The following GPC6 variants were observed in gnomAD, a reference collection of about 807,000 sequenced individuals.
The protein encoded by GPC6 is glypican-6.
GPC6 carries 14 observed loss-of-function variants against 55.2 expected under a neutral mutation model. That is an observed-to-expected ratio of 0.25 (90% CI 0.17 to 0.40). The LOEUF is 0.40. GPC6 is among the 10% of genes least tolerant of loss of function. The pLI is 1.00. For synonymous variants in GPC6, 278 were observed against 259.6 expected, an observed-to-expected ratio of 1.07 and a Z score of -0.68; for missense variants, 641 against 708.5, an observed-to-expected ratio of 0.90 and a Z score of 1.08.
intron 1 of GPC6, among the ~76,000 whole-genome samples, chr13:93,487,737 T>C (rs1879782454): frequency 6.6e-6 from 1 of 152,186 alleles, no homozygotes. Flanking sequence ...TTCTTCATTT[T>C]GTAGAAGCAG....
chr13:93,813,483 A>G (rs1378279823), intron 2 of GPC6, among the ~76,000 whole-genome samples: 1 of 152,168 alleles, frequency 6.6e-6, no homozygotes, highest in Admixed American at 6.6e-5. Flanking sequence ...TCCAGCTGCG[A>G]TATTGAAATG....
intron 1 of GPC6, among the ~76,000 whole-genome samples, chr13:93,448,772 TAATA>T (rs1878105232): frequency 6.6e-6 from 1 of 152,196 alleles, no homozygotes; most frequent in South Asian, 2.1e-4. Flanking sequence ...TCCCATCCAG[TAATA>T]AATGTCTTGT....
intron 5 of GPC6, among the ~76,000 whole-genome samples, chr13:94,287,608 A>C (rs4142341): frequency 6.6e-6 from 1 of 151,842 alleles, no homozygotes; most frequent in African/African-American, 2.4e-5. Flanking sequence ...GAGTTTCATA[A>C]GCCTTTTTGG....
chr13:93,744,062 G>A (rs1271248610), intron 2 of GPC6, among the ~76,000 whole-genome samples: 3 of 152,136 alleles, frequency 2.0e-5, no homozygotes, highest in South Asian at 2.1e-4. Context: ...TTTATTCCCT[G>A]CTGGAGGAGG....
At chr13:94,099,820 T>G (rs1204025676) in intron 4 of GPC6, among the ~76,000 whole-genome samples, 3 of 152,212 alleles carry the variant, frequency 2.0e-5, no homozygotes, top group Non-Finnish European at 2.9e-5. Flanking sequence ...TATATTATGT[T>G]TAATGTTGGC....
intron 2 of GPC6, among the ~76,000 whole-genome samples, chr13:93,587,526 T>C (rs1446601858): frequency 1.3e-5 from 2 of 152,158 alleles, no homozygotes; most frequent in African/African-American, 2.4e-5. Flanking sequence ...ATGGTTCATG[T>C]TGTTGCTTGC....
intron 3 of GPC6, among the ~76,000 whole-genome samples, chr13:93,874,727 G>A (rs567700287): frequency 4.9e-4 from 74 of 151,528 alleles, no homozygotes; most frequent in African/African-American, 1.7e-3. Context: ...ACAAGCTCTT[G>A]TCCTTGTTGT....
chr13:93,569,090 G>T (rs568322209), intron 2 of GPC6, among the ~76,000 whole-genome samples: 1 of 152,094 alleles, frequency 6.6e-6, no homozygotes, highest in Admixed American at 6.5e-5. Flanking sequence ...AGATCTTAAG[G>T]CTAGTTTTGT....
chr13:94,228,404 TGAA>T lies in GPC6; in HGVS notation c.878-57936_878-57934del, dbSNP rs200302365. Among the ~76,000 whole-genome samples the T allele has an allele frequency of 2.6e-5, 4 of 152,180 alleles. No homozygotes were observed. The East Asian group carries it at 5.8e-4, about 22-fold the overall frequency. On this transcript the variant is annotated intron_variant, in intron 4 of 8. Coordinates refer to ENST00000377047, the MANE Select transcript of GPC6 (RefSeq NM_005708.5). ...TATGTCAAGAAAAATTGAAACTTTA[TGAA>T]GAAGAAGATGTTTTTTCATAGTGGG...
intron 6 of GPC6, among the ~76,000 whole-genome samples, chr13:94,363,566 C>T (rs1397543697): frequency 6.6e-6 from 1 of 152,136 alleles, no homozygotes; most frequent in African/African-American, 2.4e-5. Context: ...GCTAATAGCC[C>T]ACCTTTAGTT....
chr13:93,553,971 C>G (rs1187845070), intron 2 of GPC6, among the ~76,000 whole-genome samples: 1 of 22,192 alleles, frequency 4.5e-5, no homozygotes, highest in African/African-American at 4.5e-4. Flanking sequence ...TCCGTCTCTA[C>G]TAAAAAAAAA....
chr13:93,555,428 G>T lies in GPC6; in HGVS notation c.319+10007G>T, dbSNP rs1334960289. On this transcript the variant is annotated intron_variant, in intron 2 of 8. Coordinates refer to ENST00000377047, the MANE Select transcript of GPC6 (RefSeq NM_005708.5). ...TTGTGTGACAATGGTAGCAACCTGT[G>T]CAGTCTCAAGGGCACAGACCAGTTA... Among the ~76,000 whole-genome samples the T allele has an allele frequency of 2.0e-5, 3 of 152,088 alleles. No individual in the cohort carries two copies. The East Asian group carries it at 5.8e-4, about 29-fold the overall frequency.
In GPC6 at chr13:93,409,565, G is replaced by T. The variant is rs1207154527; in HGVS notation, c.161-135698G>T. Among the ~76,000 whole-genome samples, 3 of 152,150 alleles carry T rather than the reference G, an allele frequency of 2.0e-5. No homozygotes were observed. The South Asian group carries it at 6.2e-4, about 32-fold the overall frequency. Reference sequence around the variant, plus strand: ...CTTTCAACTTGCATCTATGATAAATGAAGAACTCTTCCCCTCTTAGCACTT... The same window carrying T: ...CTTTCAACTTGCATCTATGATAAATTAAGAACTCTTCCCCTCTTAGCACTT... On this transcript the variant is annotated intron_variant, in intron 1 of 8. Transcript: ENST00000377047.
intron 2 of GPC6, among the ~76,000 whole-genome samples, chr13:93,617,881 G>A (rs973874373): frequency 2.0e-5 from 3 of 151,972 alleles, no homozygotes; most frequent in Non-Finnish European, 4.4e-5. Flanking sequence ...AAAGTCAGGT[G>A]TGTTATTCCT....
chr13:93,385,565 A>T (rs1248006144), intron 1 of GPC6, among the ~76,000 whole-genome samples: 1 of 152,216 alleles, frequency 6.6e-6, no homozygotes, highest in Non-Finnish European at 1.5e-5. Context: ...GGGTAGAAAG[A>T]AGTGGACGGG....
At chr13:93,723,643 T>A (rs1208953646) in intron 2 of GPC6, among the ~76,000 whole-genome samples, 2 of 152,000 alleles carry the variant, frequency 1.3e-5, no homozygotes, top group Non-Finnish European at 2.9e-5. Flanking sequence ...CAGCCATGGA[T>A]AACTGATAGA....
At chr13:93,794,010 T>C (rs1886125682) in intron 2 of GPC6, among the ~76,000 whole-genome samples, 1 of 152,226 alleles carries the variant, frequency 6.6e-6, no homozygotes, top group African/African-American at 2.4e-5. Context: ...TGTGCTTTGC[T>C]TTGACATAGG....
chr13:94,250,970 C>T, intron 4 of GPC6, among the ~76,000 whole-genome samples: 1 of 152,012 alleles, frequency 6.6e-6, no homozygotes, highest in Non-Finnish European at 1.5e-5. Context: ...ATATTTAAAA[C>T]CATGTTAAGT....
At chr13:94,288,115 C>T (rs1014698769) in intron 5 of GPC6, among the ~76,000 whole-genome samples, 4 of 152,052 alleles carry the variant, frequency 2.6e-5, no homozygotes, top group African/African-American at 9.7e-5. Context: ...CCTCAGTAAG[C>T]TTACTTTCTA....
Sources: gnomAD v4.1 joint callset for allele counts (sites outside exome capture counted in the v4.1 genomes callset) on GRCh38, gnomAD v4.1.1 for gene constraint, MANE v1.5 for transcripts, NCBI Gene and HGNC (gene_info 2026-07-23, HGNC 2026-07-21) for gene names.